The following ZNF570 variants were observed in gnomAD, a reference collection of about 807,000 sequenced individuals.
ZNF570 encodes the protein zinc finger protein 570.
A neutral mutation model predicts 14.2 loss-of-function variants in ZNF570; 8 were observed. The ratio of observed to expected loss-of-function variants is 0.56; its 90% CI spans 0.33 to 1.02. The LOEUF (loss-of-function observed/expected upper bound fraction) is 1.02. Among genes scored for constraint, ZNF570 ranks in the 50% least tolerant of loss-of-function variants. The probability of loss-of-function intolerance (pLI) is 0.03; values close to 1 mark genes in which losing one functional copy is unlikely to be tolerated. For synonymous variants in ZNF570, 202 were observed against 207.6 expected (o/e 0.97, Z 0.23); for missense variants, 559 against 624.9 (o/e 0.89, Z 1.12).
At chr19:37,469,730 G>A (rs2041922889) in intron 1 of ZNF570, 173 bp downstream of exon 1, 3 of 691,744 alleles carry the variant, frequency 4.3e-6, no homozygotes, top group Admixed American at 2.7e-5. Context: ...TTGTGACTGG[G>A]TTGTGAGATT....
intron 4 of ZNF570, among the ~76,000 whole-genome samples, chr19:37,481,144 C>A (rs2042083232): frequency 2.0e-5 from 3 of 151,386 alleles, no homozygotes. Flanking sequence ...CTCTGTCAGT[C>A]ATAGATTGAC....
At chr19:37,470,282 C>T in intron 1 of ZNF570, 22 bp from the exon 2 acceptor site, 1 of 1,609,656 alleles carries the variant, frequency 6.2e-7, no homozygotes, top group Non-Finnish European at 8.5e-7. Flanking sequence ...TCTAGTTTCT[C>T]ATGTTCTTTT....
At chr19:37,476,520 C>G (rs2042026176) in intron 4 of ZNF570, 86 bp downstream of exon 4, 1 of 1,420,942 alleles carries the variant, frequency 7.0e-7, no homozygotes, top group Admixed American at 2.8e-5. Flanking sequence ...CTTCAGGCTT[C>G]CAAATTCTTC....
At chr19:37,468,939 A>G (rs2041902028), upstream of ZNF570, 1 of 636,382 alleles carries the variant, frequency 1.6e-6, no homozygotes, top group Non-Finnish European at 1.9e-6. Context: ...CCTCCCACCC[A>G]TTTTGAGTAG....
Position 37,484,144 on chromosome 19 carries a change from CCCA to C in ZNF570, c.524_526del (p.Pro175del). On this transcript the variant is annotated inframe_deletion, in exon 5 of 5. Coordinates refer to ENST00000330173, the MANE Select transcript of ZNF570 (RefSeq NM_144694.5). ...AATCTTGGGGAAGTTTTCATCAGAA[CCCA>C]CTGCTTTGTACACAAAAGATAATCC... 1 of 1,613,740 alleles carries C rather than the reference CCCA, an allele frequency of 6.2e-7. No individual in the cohort carries two copies. Among genetic ancestry groups the C allele is most frequent in the African/African-American group, 1.3e-5 (1 of 74,856 alleles).
upstream of ZNF570, among the ~76,000 whole-genome samples, chr19:37,468,352 G>C (rs1056808320): frequency 6.6e-6 from 1 of 152,210 alleles, no homozygotes; most frequent in African/African-American, 2.4e-5. Flanking sequence ...GCCTCAAAAA[G>C]TGCTAGGATT....
At chr19:37,467,894 T>A (rs1219459395), upstream of ZNF570, 3 of 1,536,006 alleles carry the variant, frequency 2.0e-6, no homozygotes, top group African/African-American at 4.1e-5. Flanking sequence ...AGAGACAATG[T>A]GCATGTATTT....
intron 1 of ZNF570, 134 bp from the exon 2 acceptor site, chr19:37,470,170 C>T: frequency 1.4e-6 from 1 of 696,688 alleles, no homozygotes; most frequent in Non-Finnish European, 2.3e-6. Context: ...AAACAAATTC[C>T]TAGGTCTCCA....
chr19:37,475,077 C>T (rs1242219777), intron 2 of ZNF570, among the ~76,000 whole-genome samples: 1 of 151,804 alleles, frequency 6.6e-6, no homozygotes, highest in Non-Finnish European at 1.5e-5. Context: ...GATTCTCCTG[C>T]CTCAGCCTCT....
intron 4 of ZNF570, among the ~76,000 whole-genome samples, chr19:37,482,202 T>C (rs1309446849): frequency 2.6e-5 from 4 of 152,218 alleles, no homozygotes; most frequent in Non-Finnish European, 5.9e-5. Context: ...ACTCCTCTAC[T>C]CAAACCACTT....
At chr19:37,472,479 C>A (rs1048321167) in intron 2 of ZNF570, among the ~76,000 whole-genome samples, 6 of 152,044 alleles carry the variant, frequency 3.9e-5, no homozygotes, top group African/African-American at 1.4e-4. Context: ...CGGTGACTCA[C>A]GCCTGTAATC....
intron 2 of ZNF570, among the ~76,000 whole-genome samples, chr19:37,470,707 T>C (rs10411694): frequency 3.0e-4 from 42 of 140,134 alleles, no homozygotes; most frequent in African/African-American, 6.5e-4. Flanking sequence ...TTTTTTTTTT[T>C]TTTTTTTTTT....
intron 2 of ZNF570, among the ~76,000 whole-genome samples, chr19:37,472,147 C>A (rs540423144): frequency 6.6e-6 from 1 of 152,116 alleles, no homozygotes; most frequent in South Asian, 2.1e-4. Context: ...CCTTGTGATC[C>A]GCCTGCCTCG....
At chr19:37,481,638 A>G (rs2147019905) in intron 4 of ZNF570, among the ~76,000 whole-genome samples, 1 of 152,244 alleles carries the variant, frequency 6.6e-6, no homozygotes, top group South Asian at 2.1e-4. Context: ...CAGCTGCTGT[A>G]GTTGGGATTT....
intron 2 of ZNF570, among the ~76,000 whole-genome samples, chr19:37,474,230 C>T (rs1055888105): frequency 1.3e-5 from 2 of 152,098 alleles, no homozygotes; most frequent in East Asian, 3.8e-4. Context: ...CCTATGTTGA[C>T]ATAGAAATTA....
intron 4 of ZNF570, 22 bp downstream of exon 4, chr19:37,476,456 A>G (rs1387838073): frequency 6.2e-7 from 1 of 1,609,260 alleles, no homozygotes; most frequent in African/African-American, 1.3e-5. Context: ...GGAAATTGGC[A>G]AAAATCTTTG....
chr19:37,478,905 A>G (rs1312822086), intron 4 of ZNF570, among the ~76,000 whole-genome samples: 1 of 151,200 alleles, frequency 6.6e-6, no homozygotes, highest in Non-Finnish European at 1.5e-5. Context: ...CTGTTTGCCA[A>G]TATTTTGTTT....
chr19:37,470,897 A>G (rs2147001050), intron 2 of ZNF570, among the ~76,000 whole-genome samples: 2 of 150,038 alleles, frequency 1.3e-5, no homozygotes, highest in East Asian at 3.9e-4. Flanking sequence ...ACGGGGTTTC[A>G]CCATGTTGGC....
Position 37,485,309 on chromosome 19 carries a change from C to T in ZNF570, c.*76C>T. 7.4e-7 allele frequency: 1 copy of T among 1,358,806 alleles called. No homozygotes were observed. The highest frequency in any genetic ancestry group is 9.8e-7 in the Non-Finnish European group (1 of 1,021,530). The allele number at this position is 1,358,806 out of a possible 1,614,324, so 84.2% of individuals were successfully genotyped here. On this transcript the variant is annotated 3_prime_UTR_variant, in exon 5 of 5. Coordinates refer to ENST00000330173, the MANE Select transcript of ZNF570 (RefSeq NM_144694.5). ...GTTGTCACCTTGGTCTGATTCATCTCACTCTGATTACTAATATAGCTTTCA... is the reference window on the plus strand; with the variant it reads ...GTTGTCACCTTGGTCTGATTCATCTTACTCTGATTACTAATATAGCTTTCA...
Sources: allele counts gnomAD v4.1 joint callset (sites outside exome capture counted in the v4.1 genomes callset), GRCh38; gene constraint gnomAD v4.1.1; transcripts MANE v1.5; gene names NCBI Gene and HGNC (gene_info 2026-07-23, HGNC 2026-07-21).